Variants in DCAF5 observed in about 807,000 individuals in gnomAD.
The protein encoded by DCAF5 is DDB1- and CUL4-associated factor 5.
A neutral mutation model predicts 80.7 loss-of-function variants in DCAF5; 9 were observed. That is an observed-to-expected ratio of 0.11 (90% CI 0.07 to 0.19). DCAF5 has a LOEUF of 0.19. DCAF5 is among the 10% of genes least tolerant of loss of function. The pLI, the probability that DCAF5 is intolerant of heterozygous loss-of-function variation, is 1.00. For missense variants in DCAF5, 842 were observed against 1,205.7 expected (o/e 0.70, Z 4.47); for synonymous variants, 433 against 461.9 (o/e 0.94, Z 0.80).
At chr14:69,097,815 C>G (rs2039784958) in intron 5 of DCAF5, among the ~76,000 whole-genome samples, 1 of 151,966 alleles carries the variant, frequency 6.6e-6, no homozygotes, top group South Asian at 2.1e-4. Context: ...TTGAACTCTA[C>G]TGACCTCAAG....
chr14:69,062,729 A>C (rs1228298616), intron 7 of DCAF5, among the ~76,000 whole-genome samples: 1 of 152,320 alleles, frequency 6.6e-6, no homozygotes, highest in East Asian at 1.9e-4. Flanking sequence ...TTAGCCTTTA[A>C]GCATTGCCCA....
rs141874345 is a variant in DCAF5, at chr14:69,102,107, C to CTT, written c.666-10222_666-10221dup. 2.9e-3 allele frequency among the ~76,000 whole-genome samples: 387 copies of CTT among 132,998 alleles called. 3 individuals carry two copies. Among genetic ancestry groups the CTT allele is most frequent in the African/African-American group, 4.2e-3 (153 of 36,278 alleles). 87.3% of individuals were successfully genotyped at this position (132,998 alleles called of 152,430 possible). On this transcript the variant is annotated intron_variant, in intron 5 of 8. Coordinates refer to ENST00000341516, the MANE Select transcript of DCAF5 (RefSeq NM_003861.3). ...AATAATTAACCTTAGTTTACTATAA[C>CTT]TTTTTTTTTTTTTTTTTTTGAGACA...
chr14:69,120,909 C>A (rs2040699176), intron 2 of DCAF5, among the ~76,000 whole-genome samples: 1 of 152,132 alleles, frequency 6.6e-6, no homozygotes, highest in Non-Finnish European at 1.5e-5. Context: ...GCTATGGGGT[C>A]AATTATTTCC....
chr14:69,122,024 A>C (rs2040737980), intron 2 of DCAF5, among the ~76,000 whole-genome samples, 193 bp downstream of exon 2: 1 of 152,218 alleles, frequency 6.6e-6, no homozygotes, highest in Non-Finnish European at 1.5e-5. Flanking sequence ...AAAGCAAAAA[A>C]AAGAGAAGAG....
At chr14:69,066,026 G>A (rs2038423357) in intron 7 of DCAF5, among the ~76,000 whole-genome samples, 1 of 151,808 alleles carries the variant, frequency 6.6e-6, no homozygotes, top group African/African-American at 2.4e-5. Flanking sequence ...ACATACCCAG[G>A]AAAAAGGATC....
chr14:69,102,521 T>C (rs1280006946), intron 5 of DCAF5, among the ~76,000 whole-genome samples: 1 of 151,808 alleles, frequency 6.6e-6, no homozygotes, highest in Non-Finnish European at 1.5e-5. Context: ...CAAAAGCACT[T>C]TCCTTCTTTA....
chr14:69,070,901 G>A (rs1255681984), intron 7 of DCAF5, among the ~76,000 whole-genome samples: 1 of 151,714 alleles, frequency 6.6e-6, no homozygotes, highest in African/African-American at 2.4e-5. Flanking sequence ...GGGTTCAAGC[G>A]TTTCTTCTGC....
At chr14:69,087,396 C>T (rs1403760255) in intron 6 of DCAF5, among the ~76,000 whole-genome samples, 1 of 152,074 alleles carries the variant, frequency 6.6e-6, no homozygotes, top group African/African-American at 2.4e-5. Flanking sequence ...AGGTAGCCTC[C>T]AAGGAAAGGA....
chr14:69,089,947 C>T, intron 6 of DCAF5: 2 of 985,420 alleles, frequency 2.0e-6, no homozygotes, highest in Non-Finnish European at 2.4e-6. Context: ...TAGGTGCTTA[C>T]ATGTTGGCTA....
Position 69,152,618 on chromosome 14 carries a change from T to A in DCAF5, c.214+147A>T. The A allele has an allele frequency of 1.6e-6, 1 of 631,444 alleles. No individual in the cohort carries two copies. The highest frequency in any genetic ancestry group is 1.9e-5 in the South Asian group (1 of 51,378). The allele number at this position is 631,444 out of a possible 1,614,324, so 39.1% of individuals were successfully genotyped here. A position where few individuals can be genotyped will look rare whatever the true frequency, so the allele number is the denominator to read the frequency against. ...TCCCCTCCCCCTGCAATGGTTTTAA[T>A]TTGACACCAAACCTTCCCACCGCAG... On this transcript the variant is annotated intron_variant, in intron 1 of 8. Transcript: ENST00000341516. This position sits in a 1 kb window ranked among gnomAD's most constrained non-coding sequence, Gnocchi z 4.1.
intron 2 of DCAF5, 133 bp downstream of exon 2, chr14:69,122,084 A>G: frequency 1.8e-6 from 2 of 1,083,332 alleles, no homozygotes; most frequent in Non-Finnish European, 2.7e-6. Context: ...AATGCAGAAA[A>G]GACAAGCTAT....
chr14:69,101,538 G>A (rs1402763282), intron 5 of DCAF5, among the ~76,000 whole-genome samples: 1 of 152,172 alleles, frequency 6.6e-6, no homozygotes, highest in Non-Finnish European at 1.5e-5. Context: ...CTAAGCTGAC[G>A]CAACAGAGAG....
intron 7 of DCAF5, among the ~76,000 whole-genome samples, chr14:69,068,973 G>GCAT (rs1191622095): frequency 6.6e-6 from 1 of 152,176 alleles, no homozygotes; most frequent in African/African-American, 2.4e-5. Flanking sequence ...AGCTCCACAG[G>GCAT]CATCAATGCT....
At chr14:69,102,619 CAT>C (rs71102629) in intron 5 of DCAF5, among the ~76,000 whole-genome samples, 3 of 143,930 alleles carry the variant, frequency 2.1e-5, no homozygotes, top group Non-Finnish European at 3.1e-5. Flanking sequence ...CACACACACA[CAT>C]ATTAGCCTAG....
rs773314704 is a variant in DCAF5, at chr14:69,122,363, T to G, written c.215-3A>C. 2 of 1,609,068 alleles carry G rather than the reference T, an allele frequency of 1.2e-6. No homozygotes were observed. Among genetic ancestry groups the G allele is most frequent in the South Asian group, 1.1e-5 (1 of 90,740 alleles). ...CAGAACCCGGCGGTCATCTCCTCCT[T>G]AAGAAGGAAATAAGAATCTGTGCTT... On this transcript the variant is annotated splice_polypyrimidine_tract_variant and splice_region_variant and intron_variant, in intron 1 of 8. Transcript: ENST00000341516.
At chr14:69,148,398 A>G (rs1453810773) in intron 1 of DCAF5, among the ~76,000 whole-genome samples, 1 of 152,192 alleles carries the variant, frequency 6.6e-6, no homozygotes, top group Non-Finnish European at 1.5e-5. Context: ...TAGTCTTTAT[A>G]AAAAGTAATG....
chr14:69,120,752 G>A (rs1176834386), intron 2 of DCAF5, among the ~76,000 whole-genome samples: 3 of 152,094 alleles, frequency 2.0e-5, no homozygotes, highest in African/African-American at 7.2e-5. Context: ...ATGCCTTCTA[G>A]GTATCAGGTA....
chr14:69,097,722 G>A (rs1424470659), intron 5 of DCAF5, among the ~76,000 whole-genome samples: 1 of 151,726 alleles, frequency 6.6e-6, no homozygotes, highest in African/African-American at 2.4e-5. Flanking sequence ...CAGCAGCTGG[G>A]ATTACAGGCG....
intron 1 of DCAF5, among the ~76,000 whole-genome samples, chr14:69,135,731 C>T (rs924580272): frequency 4.6e-5 from 7 of 152,208 alleles, no homozygotes; most frequent in Non-Finnish European, 8.8e-5. Context: ...CCATGGTGAA[C>T]ATAACCACTT....
Sources: gnomAD v4.1 joint callset for allele counts (sites outside exome capture counted in the v4.1 genomes callset) on GRCh38, gnomAD v4.1.1 for gene constraint, Gnocchi (gnomAD v3.1) non-coding constraint, MANE v1.5 for transcripts, NCBI Gene and HGNC (gene_info 2026-07-23, HGNC 2026-07-21) for gene names.